The following FGF14 variants were observed in gnomAD, a reference collection of about 807,000 sequenced individuals.
FGF14 encodes fibroblast growth factor 14.
In FGF14, 5 loss-of-function variants were observed where a neutral mutation model predicts 25.5. That is an observed-to-expected ratio of 0.20 (90% CI 0.10 to 0.41). The LOEUF (loss-of-function observed/expected upper bound fraction) is 0.41, where lower values mean the gene tolerates loss of function less well. Among genes scored for constraint, FGF14 ranks in the 10% least tolerant of loss-of-function variants. FGF14 has a pLI of 1.00. For synonymous variants in FGF14, 138 were observed against 118.3 expected, an observed-to-expected ratio of 1.17 and a Z score of -1.08; for missense variants, 222 against 320.1, an observed-to-expected ratio of 0.69 and a Z score of 2.34.
intron 1 of FGF14, among the ~76,000 whole-genome samples, chr13:102,058,324 C>T (rs1391232776): frequency 6.6e-6 from 1 of 152,216 alleles, no homozygotes; most frequent in Non-Finnish European, 1.5e-5. Flanking sequence ...AATCTAAACA[C>T]ATTCTCCCAC....
At chr13:102,351,675 A>G (rs1955731034) in intron 1 of FGF14, among the ~76,000 whole-genome samples, 1 of 152,232 alleles carries the variant, frequency 6.6e-6, no homozygotes, top group Admixed American at 6.5e-5. Flanking sequence ...TGGCGTCTTC[A>G]CATGGCATTT....
At chr13:102,294,168 T>G (rs1382399190) in intron 1 of FGF14, 1 of 152,184 alleles carries the variant, frequency 6.6e-6, no homozygotes, top group Non-Finnish European at 1.5e-5. Flanking sequence ...TCTTATGGCA[T>G]AAATCTATGA....
intron 1 of FGF14, among the ~76,000 whole-genome samples, chr13:101,978,891 C>G (rs890262567): frequency 1.3e-5 from 2 of 152,198 alleles, no homozygotes; most frequent in African/African-American, 4.8e-5. Context: ...ACACACCACA[C>G]CTGCCACAAA....
chr13:102,394,157 C>T (rs2058505193), intron 1 of FGF14, among the ~76,000 whole-genome samples: 1 of 152,236 alleles, frequency 6.6e-6, no homozygotes, highest in Admixed American at 6.5e-5. Flanking sequence ...CTCGTTCTCT[C>T]CCAGTCCTGA....
intron 1 of FGF14, among the ~76,000 whole-genome samples, chr13:101,990,664 C>T (rs2038852193): frequency 6.6e-6 from 1 of 152,076 alleles, no homozygotes; most frequent in Non-Finnish European, 1.5e-5. Flanking sequence ...CAGGCCTGGG[C>T]AGCAGGCTCT....
intron 1 of FGF14, among the ~76,000 whole-genome samples, chr13:102,310,589 G>A (rs2055678005): frequency 6.6e-6 from 1 of 151,100 alleles, no homozygotes; most frequent in South Asian, 2.1e-4. Context: ...GTCTTTCTGG[G>A]CCAGGAGATA....
At chr13:102,337,923 C>T (rs1393552139) in intron 1 of FGF14, among the ~76,000 whole-genome samples, 4 of 152,132 alleles carry the variant, frequency 2.6e-5, no homozygotes, top group Admixed American at 2.6e-4. Context: ...TGACTGAATA[C>T]AGTATAGTGT....
At chr13:102,062,268 T>A (rs1196540785) in intron 1 of FGF14, among the ~76,000 whole-genome samples, 1 of 151,954 alleles carries the variant, frequency 6.6e-6, no homozygotes, top group African/African-American at 2.4e-5. Flanking sequence ...TAGAAAACTC[T>A]ACTTACTAGC....
intron 1 of FGF14, among the ~76,000 whole-genome samples, chr13:102,339,150 G>A (rs569964075): frequency 1.3e-5 from 2 of 152,054 alleles, no homozygotes; most frequent in Admixed American, 6.5e-5. Context: ...TCCATGATGT[G>A]CAAATTTCAC....
intron 1 of FGF14, among the ~76,000 whole-genome samples, chr13:102,180,287 T>C (rs1432307392): frequency 6.6e-6 from 1 of 152,124 alleles, no homozygotes; most frequent in Non-Finnish European, 1.5e-5. Flanking sequence ...AAATTTGTAA[T>C]ACCAAGTAAG....
chr13:102,155,575 T>G (rs968611481), intron 1 of FGF14, among the ~76,000 whole-genome samples: 1 of 151,756 alleles, frequency 6.6e-6, no homozygotes, highest in African/African-American at 2.4e-5. Flanking sequence ...GATCTAAAAT[T>G]GACACCCTAA....
chr13:101,761,304 G>A (rs1017942334), intron 3 of FGF14, among the ~76,000 whole-genome samples: 3 of 152,300 alleles, frequency 2.0e-5, no homozygotes, highest in Middle Eastern at 6.8e-3. Flanking sequence ...GAGGAAAAAT[G>A]AGACATAATG....
At chr13:102,373,392 C>A (rs918832224) in intron 1 of FGF14, 1 of 152,122 alleles carries the variant, frequency 6.6e-6, no homozygotes, top group African/African-American at 2.4e-5. Flanking sequence ...CATGTAAAAA[C>A]AAGTCTGCTC....
chr13:101,749,516 A>G (rs1393907381), intron 3 of FGF14, among the ~76,000 whole-genome samples: 1 of 152,060 alleles, frequency 6.6e-6, no homozygotes, highest in Non-Finnish European at 1.5e-5. Flanking sequence ...TAAATTTTGT[A>G]TTTTTATCAC....
At chr13:102,206,271 C>A (rs1188796112) in intron 1 of FGF14, among the ~76,000 whole-genome samples, 1 of 152,138 alleles carries the variant, frequency 6.6e-6, no homozygotes, top group Middle Eastern at 3.4e-3. Flanking sequence ...GCTCCCACAT[C>A]CTCTCCGGTT....
At chr13:101,991,317 C>A (rs2038890760) in intron 1 of FGF14, among the ~76,000 whole-genome samples, 1 of 152,000 alleles carries the variant, frequency 6.6e-6, no homozygotes, top group Admixed American at 6.6e-5. Flanking sequence ...AGGAAACAAT[C>A]TGATGAAATC....
chr13:101,874,581 A>C (rs2045289035), intron 2 of FGF14, among the ~76,000 whole-genome samples: 1 of 152,184 alleles, frequency 6.6e-6, no homozygotes. Flanking sequence ...GAAAAAGAAC[A>C]CAGACATTTA....
chr13:102,069,961 A>G (rs1310947076), intron 1 of FGF14, among the ~76,000 whole-genome samples: 1 of 152,230 alleles, frequency 6.6e-6, no homozygotes, highest in South Asian at 2.1e-4. Flanking sequence ...TCTCCAGGAC[A>G]TTCACCTGCA....
chr13:101,961,565 C>A (rs1360387474), intron 1 of FGF14, among the ~76,000 whole-genome samples: 1 of 151,970 alleles, frequency 6.6e-6, no homozygotes, highest in African/African-American at 2.4e-5. Flanking sequence ...TTGGCTCTGT[C>A]CCCACCCAAA....
Sources: gnomAD v4.1 joint callset for allele counts (sites outside exome capture counted in the v4.1 genomes callset) on GRCh38, gnomAD v4.1.1 for gene constraint, MANE v1.5 for transcripts, NCBI Gene and HGNC (gene_info 2026-07-23, HGNC 2026-07-21) for gene names.